The following IPO8 variants were observed in gnomAD, a reference collection of about 807,000 sequenced individuals.
IPO8 encodes importin 8, also known as importin-8.
A neutral mutation model predicts 141.2 loss-of-function variants in IPO8; 65 were observed. That is an observed-to-expected ratio of 0.46 (90% confidence interval 0.38 to 0.57). The LOEUF is 0.57. IPO8 is among the 20% of genes least tolerant of loss of function. The pLI is 0.00. For missense variants in IPO8, 980 were observed against 1,246.8 expected (o/e 0.79, Z 3.22); for synonymous variants, 411 against 420.3 (o/e 0.98, Z 0.27).
At chr12:30,650,159 T>C (rs2052706395) in intron 19 of IPO8, among the ~76,000 whole-genome samples, 1 of 151,868 alleles carries the variant, frequency 6.6e-6, no homozygotes, top group Admixed American at 6.6e-5. Flanking sequence ...TTAGAAATAA[T>C]ACTATAAAGA....
chr12:30,631,058 AACTGTGAAAGAATGTG>A (rs1166937091), intron 24 of IPO8, 101 bp from the exon 25 acceptor site: 2 of 757,490 alleles, frequency 2.6e-6, no homozygotes, highest in African/African-American at 3.5e-5. Flanking sequence ...ATATGCTTAG[AACTGTGAAAGAATGTG>A]ACTGGTAGTA....
intron 12 of IPO8, 61 bp from the exon 13 acceptor site, chr12:30,665,370 A>G (rs2052948149): frequency 1.0e-6 from 1 of 955,252 alleles, no homozygotes; most frequent in South Asian, 1.4e-5. Context: ...TCACTTCCTA[A>G]TCAAGTGTGT....
intron 5 of IPO8, among the ~76,000 whole-genome samples, chr12:30,677,537 G>A (rs1009503383): frequency 1.3e-5 from 2 of 151,528 alleles, no homozygotes; most frequent in African/African-American, 2.4e-5. Context: ...GGTCTTTCAG[G>A]AGTATTCCAG....
chr12:30,692,979 T>C (rs952526160), intron 1 of IPO8, among the ~76,000 whole-genome samples: 64 of 152,320 alleles, frequency 4.2e-4, no homozygotes, highest in African/African-American at 1.3e-3. Flanking sequence ...ATCTGCAACA[T>C]AGTAACTTAA....
rs759590732 is a variant in IPO8, at chr12:30,637,224, GA to G, written c.2490-38del. ...GAAGAAAAAAAAAATGTAGACATGA[GA>G]AGTGGAATAAAGAACAAATTCTGGA... On this transcript the variant is annotated intron_variant, in intron 21 of 24. Transcript: ENST00000256079. The G allele has an allele frequency of 2.0e-6, 3 of 1,484,576 alleles. No homozygotes were observed. The Admixed American group carries it at 5.1e-5, about 25-fold the overall frequency. The allele number at this position is 1,484,576 out of a possible 1,614,324, so 92.0% of individuals were successfully genotyped here. A position where few individuals can be genotyped will look rare whatever the true frequency, so the allele number is the denominator to read the frequency against.
chr12:30,643,046 T>C (rs2052595688), intron 20 of IPO8, among the ~76,000 whole-genome samples: 1 of 152,184 alleles, frequency 6.6e-6, no homozygotes, highest in African/African-American at 2.4e-5. Context: ...TCTTGAATAA[T>C]GGTAAATAAA....
At chr12:30,652,363 T>C (rs2052739881) in intron 18 of IPO8, 74 bp from the exon 19 acceptor site, 2 of 855,964 alleles carry the variant, frequency 2.3e-6, no homozygotes, top group Non-Finnish European at 3.8e-6. Flanking sequence ...TGAAACCATA[T>C]TTCTGTAGCA....
Position 30,653,014 on chromosome 12 carries a change from C to T in IPO8, c.2027G>A (p.Gly676Asp). ...CTGCTGAAACACTTCATATAGTATACCTAGAAGCTGCCACATTTGAGGGGA... is the reference window on the plus strand; with the variant it reads ...CTGCTGAAACACTTCATATAGTATATCTAGAAGCTGCCACATTTGAGGGGA... ...SISPQMWQLLGILYEVFQQDC... is the reference protein window; with the variant it reads ...SISPQMWQLLDILYEVFQQDC... The change falls in exon 18 of 25, where the codon GGT becomes GAT. Residue 676 changes from glycine (G) to aspartate (D), a missense_variant. This residue lies in a region of IPO8 where 924 missense variants were observed against 1,153.9 expected (regional missense o/e 0.80). Transcript: ENST00000256079. 2 of 1,611,786 alleles carry T rather than the reference C, an allele frequency of 1.2e-6. No individual in the cohort carries two copies. The highest frequency in any genetic ancestry group is 1.7e-6 in the Non-Finnish European group (2 of 1,178,680).
Position 30,652,204 on chromosome 12 carries a change from T to C in IPO8, c.2160A>G (p.Thr720=). The change falls in exon 19 of 25, where the codon ACA becomes ACG. Residue 720 remains threonine (T), a synonymous_variant. Transcript: ENST00000256079. ...AGGTCATGCTTACCTTCCTACACAT[T>C]GTAAAAAGAATTTCTAAATGTTTTG... ...SNAKHLEILF[T]MCRKVLCGDA... 6.4e-7 allele frequency: 1 copy of C among 1,568,322 alleles called. No individual in the cohort carries two copies. The highest frequency in any genetic ancestry group is 1.1e-5 in the South Asian group (1 of 89,888).
chr12:30,634,733 T>C (rs528145031), intron 22 of IPO8, among the ~76,000 whole-genome samples: 5 of 152,206 alleles, frequency 3.3e-5, no homozygotes, highest in East Asian at 3.9e-4. Context: ...ATTAACTGAG[T>C]TGATTATAAA....
At chr12:30,644,981 C>A (rs1162689181) in intron 20 of IPO8, among the ~76,000 whole-genome samples, 1 of 151,908 alleles carries the variant, frequency 6.6e-6, no homozygotes, top group East Asian at 1.9e-4. Context: ...AATGGCAAAT[C>A]GGCCATCATA....
In IPO8 at chr12:30,669,296, A is replaced by G; in HGVS notation, c.1045-14T>C. ...TTCAGAGATATTCTAAAATGAGAAAAAAAAAAAAACGTAACAAATGGGTAT... is the reference window on the plus strand; with the variant it reads ...TTCAGAGATATTCTAAAATGAGAAAGAAAAAAAAACGTAACAAATGGGTAT... On this transcript the variant is annotated splice_polypyrimidine_tract_variant and intron_variant, in intron 9 of 24. Transcript: ENST00000256079. The G allele has an allele frequency of 1.5e-6, 2 of 1,326,326 alleles. No individual in the cohort carries two copies. The highest frequency in any genetic ancestry group is 2.1e-6 in the Non-Finnish European group (2 of 948,186). 82.2% of individuals were successfully genotyped at this position (1,326,326 alleles called of 1,614,324 possible).
At chr12:30,687,173 ATCTG>A (rs1369154893) in intron 2 of IPO8, among the ~76,000 whole-genome samples, 4 of 152,334 alleles carry the variant, frequency 2.6e-5, no homozygotes, top group South Asian at 2.1e-4. Context: ...AATTTACTGT[ATCTG>A]TCTGGGTGTC....
intron 10 of IPO8, among the ~76,000 whole-genome samples, chr12:30,667,912 G>A (rs2052989789): frequency 6.6e-6 from 1 of 152,166 alleles, no homozygotes; most frequent in Non-Finnish European, 1.5e-5. Context: ...CAAGGCAAGA[G>A]GATCACTTAA....
chr12:30,653,784 C>T (rs2052759265), intron 17 of IPO8, among the ~76,000 whole-genome samples: 1 of 152,010 alleles, frequency 6.6e-6, no homozygotes, highest in Non-Finnish European at 1.5e-5. Context: ...AGAAGTCTAA[C>T]TTGAAAGGTT....
In IPO8 at chr12:30,637,199, G is replaced by GA. The variant is rs1266099324; in HGVS notation, c.2490-13dup. 1.9e-6 allele frequency: 3 copies of GA among 1,578,454 alleles called. No homozygotes were observed. Among genetic ancestry groups the GA allele is most frequent in the Admixed American group, 1.9e-5 (1 of 53,558 alleles). On this transcript the variant is annotated splice_polypyrimidine_tract_variant and intron_variant, in intron 21 of 24. Coordinates refer to ENST00000256079, the MANE Select transcript of IPO8 (RefSeq NM_006390.4). ...TCCGGTCATGATGCCTGCAAATTTT[G>GA]AAGAAAAAAAAAATGTAGACATGAG...
At position 30,634,260 on chromosome 12, in the gene IPO8, T is replaced by C. The variant is rs187913163; in HGVS notation, c.2722A>G (p.Thr908Ala). 3.7e-6 allele frequency: 6 copies of C among 1,613,758 alleles called. No individual in the cohort carries two copies. The highest frequency in any genetic ancestry group is 3.4e-6 in the Non-Finnish European group (4 of 1,179,748). ...NEEISSDEEE[T>A]NVTAQAMQSN... is the part of the protein sequence containing the mutation. ...TGCATTGCTTGAGCAGTTACATTTG[T>C]CTCCTCTTCATCACTTGAAATCTCC... is the stretch of plus-strand genomic sequence containing the variant. Residue 908 changes from threonine (T) to alanine (A), a missense_variant, in exon 23 of 25, where the codon ACA (threonine) becomes GCA (alanine). Physicochemically the swap from Thr to Ala is moderately conservative, Grantham distance 58 (BLOSUM62 0). This residue lies in a region of IPO8 where 924 missense variants were observed against 1,153.9 expected (regional missense o/e 0.80). Coordinates refer to ENST00000256079, the MANE Select transcript of IPO8 (RefSeq NM_006390.4).
At chr12:30,691,465 G>A (rs73077890) in intron 1 of IPO8, among the ~76,000 whole-genome samples, 1 of 152,276 alleles carries the variant, frequency 6.6e-6, no homozygotes, top group Non-Finnish European at 1.5e-5. Context: ...CCTGAGTTTG[G>A]CGATGGGGAC....
At position 30,631,884 on chromosome 12, in the gene IPO8, C is replaced by T; in HGVS notation, c.3016+11G>A. 6.3e-7 allele frequency: 1 copy of T among 1,591,932 alleles called. No individual in the cohort carries two copies. The highest frequency in any genetic ancestry group is 8.6e-7 in the Non-Finnish European group (1 of 1,162,742). On this transcript the variant is annotated intron_variant, in intron 24 of 24. Coordinates refer to ENST00000256079, the MANE Select transcript of IPO8 (RefSeq NM_006390.4). ...CACATGCACTCCACTCTGGAGGTTA[C>T]TCTGGCTGACCTGCCACCGTCCGTC... is the stretch of plus-strand genomic sequence containing the variant.
Sources: allele counts gnomAD v4.1 joint callset (sites outside exome capture counted in the v4.1 genomes callset), GRCh38; gene constraint gnomAD v4.1.1; regional missense constraint gnomAD v4.1.1; transcripts MANE v1.5; gene names NCBI Gene and HGNC (gene_info 2026-07-23, HGNC 2026-07-21).